TXNRD1: variants seen among roughly 807,000 people sequenced by gnomAD.
The protein encoded by TXNRD1 is thioredoxin reductase 1, cytoplasmic.
TXNRD1 carries 57 observed loss-of-function variants against 80.3 expected under a neutral mutation model. The ratio of observed to expected loss-of-function variants is 0.71; its 90% confidence interval spans 0.57 to 0.89. The LOEUF (loss-of-function observed/expected upper bound fraction) is 0.89, where lower values mean the gene tolerates loss of function less well. Among genes scored for constraint, TXNRD1 ranks in the 40% least tolerant of loss-of-function variants. TXNRD1 has a pLI of 0.00. For synonymous variants in TXNRD1, 291 were observed against 285.2 expected, an observed-to-expected ratio of 1.02 and a Z score of -0.20; for missense variants, 730 against 803.0, an observed-to-expected ratio of 0.91 and a Z score of 1.10.
chr12:104,323,402 G>C (rs1334088895), intron 10 of TXNRD1, among the ~76,000 whole-genome samples: 1 of 150,832 alleles, frequency 6.6e-6, no homozygotes, highest in Non-Finnish European at 1.5e-5. Flanking sequence ...GCCGGGCGGG[G>C]GGCTGACCCC....
intron 16 of TXNRD1, among the ~76,000 whole-genome samples, chr12:104,343,811 TAAAAC>T (rs199635527): frequency 0.054 from 5,540 of 103,490 alleles, 141 homozygotes; most frequent in Middle Eastern, 0.24. Flanking sequence ...AAAAAAAAAA[TAAAAC>T]AAAATGGCCT....
At chr12:104,265,573 G>A (rs1021175719) in intron 3 of TXNRD1, 7 of 1,608,084 alleles carry the variant, frequency 4.4e-6, no homozygotes, top group East Asian at 2.2e-5. Flanking sequence ...CTCCCGGAGC[G>A]GCACCCACAA....
chr12:104,295,286 C>T (rs1565883578), intron 4 of TXNRD1, among the ~76,000 whole-genome samples: 1 of 152,124 alleles, frequency 6.6e-6, no homozygotes, highest in African/African-American at 2.4e-5. Flanking sequence ...GATTTCCGGT[C>T]ACTTCTCCTG....
chr12:104,258,078 A>C lies in TXNRD1; in HGVS notation c.303A>C (p.Thr101=). Residue 101 remains threonine (T), a splice_region_variant and synonymous_variant, in exon 3 of 17, where the codon ACA becomes ACC. Coordinates refer to ENST00000525566, the MANE Select transcript of TXNRD1 (RefSeq NM_001093771.3). ...VPYFVLELDQ[T]EDGRALEGTL... Reference sequence around the variant, plus strand: ...ATTTTGTGCTTGAACTTGATCAAACAGGTAAGTTTCTGTTTAATATGTAAA... The same window carrying C: ...ATTTTGTGCTTGAACTTGATCAAACCGGTAAGTTTCTGTTTAATATGTAAA... 1.9e-6 allele frequency: 3 copies of C among 1,547,714 alleles called. No individual in the cohort carries two copies. Among genetic ancestry groups the C allele is most frequent in the South Asian group, 1.2e-5 (1 of 83,218 alleles).
At chr12:104,254,644 A>AAAAATATATATAT in intron 2 of TXNRD1, among the ~76,000 whole-genome samples, 1 of 93,650 alleles carries the variant, frequency 1.1e-5, no homozygotes, top group African/African-American at 5.2e-5. Flanking sequence ...AAAAAAAAAA[A>AAAAATATATATAT]ATATATATAT....
intron 1 of TXNRD1, among the ~76,000 whole-genome samples, chr12:104,241,620 A>G (rs562630225): frequency 1.5e-4 from 23 of 152,304 alleles, no homozygotes; most frequent in African/African-American, 5.3e-4. Flanking sequence ...TGCCCGCCTC[A>G]GCCTCCCAAA....
chr12:104,256,706 G>A (rs2033256512), intron 2 of TXNRD1, among the ~76,000 whole-genome samples: 2 of 150,002 alleles, frequency 1.3e-5, no homozygotes, highest in Admixed American at 1.3e-4. Flanking sequence ...CTGAACCCGG[G>A]GAGGCAGAGA....
chr12:104,236,786 T>C, intron 1 of TXNRD1, among the ~76,000 whole-genome samples: 1 of 30,894 alleles, frequency 3.2e-5, no homozygotes, highest in Non-Finnish European at 5.7e-5. Flanking sequence ...GAAAACTGTC[T>C]CAAAAAAAAA....
chr12:104,311,394 A>G lies in TXNRD1; in HGVS notation c.519A>G (p.Gly173=). The G allele has an allele frequency of 1.9e-6, 3 of 1,613,524 alleles. No individual in the cohort carries two copies. Among genetic ancestry groups the G allele is most frequent in the Non-Finnish European group, 2.5e-6 (3 of 1,179,714 alleles). Reference sequence around the variant, plus strand: ...TTATCATCATTGGAGGTGGCTCAGGAGGTCTGGCAGCTGCTAAGGCAAGGC... The same window carrying G: ...TTATCATCATTGGAGGTGGCTCAGGGGGTCTGGCAGCTGCTAAGGCAAGGC... The part of the protein sequence containing the change: ...YDLIIIGGGS[G]GLAAAKEAAQ... The change falls in exon 5 of 17, where the codon GGA becomes GGG. Residue 173 remains glycine, a synonymous_variant. Transcript: ENST00000525566.
At chr12:104,291,446 C>T (rs1370993462) in intron 4 of TXNRD1, among the ~76,000 whole-genome samples, 15 of 145,502 alleles carry the variant, frequency 1.0e-4, no homozygotes, top group Non-Finnish European at 6.0e-5. Flanking sequence ...TAGTCCAAAG[C>T]GCTGGGATTA....
In TXNRD1 at chr12:104,334,331, A is replaced by G. The variant is rs781389811; in HGVS notation, c.1745A>G (p.Asn582Ser). 2.8e-6 allele frequency: 4 copies of G among 1,440,540 alleles called. No individual in the cohort carries two copies. Among genetic ancestry groups the G allele is most frequent in the Non-Finnish European group, 2.8e-6 (3 of 1,077,554 alleles). The allele number at this position is 1,440,540 out of a possible 1,614,324, so 89.2% of individuals were successfully genotyped here. A position where few individuals can be genotyped will look rare whatever the true frequency, so the allele number is the denominator to read the frequency against. ...YAKIICNTKD[N>S]ERVVGFHVLG... ...AAAATAATCTGTAATACTAAAGACA[A>G]TGTAAGTTTAATTCTCAATCCTTTC... Residue 582 changes from asparagine to serine, a missense_variant and splice_region_variant, in exon 15 of 17, where the codon AAT becomes AGT. Transcript: ENST00000525566.
At chr12:104,255,266 G>A (rs1202340139) in intron 2 of TXNRD1, among the ~76,000 whole-genome samples, 3 of 151,954 alleles carry the variant, frequency 2.0e-5, no homozygotes, top group African/African-American at 7.3e-5. Flanking sequence ...AGATCTCTTT[G>A]ACCTATCATT....
At position 104,321,185 on chromosome 12, in the gene TXNRD1, A is replaced by G; in HGVS notation, c.1084A>G (p.Ile362Val). 2 of 1,610,598 alleles carry G rather than the reference A, an allele frequency of 1.2e-6. No individual in the cohort carries two copies. The highest frequency in any genetic ancestry group is 1.7e-6 in the Non-Finnish European group (2 of 1,179,468). The change falls in exon 10 of 17, where the codon ATT becomes GTT. Residue 362 changes from isoleucine (I) to valine (V), a missense_variant. Transcript: ENST00000525566. Reference protein sequence around the residue: ...ALECAGFLAGIGLDVTVMVRS... With the variant: ...ALECAGFLAGVGLDVTVMVRS... ...GGAGTGCGCTGGATTTCTTGCTGGT[A>G]TTGGTTTAGACGTCACTGTTATGGT...
chr12:104,325,217 A>C (rs1057357370), intron 10 of TXNRD1, 120 bp from the exon 11 acceptor site: 40 of 729,442 alleles, frequency 5.5e-5, no homozygotes, highest in Non-Finnish European at 8.9e-5. Flanking sequence ...ATGGGACATA[A>C]AAGACTTTTC....
Position 104,346,032 on chromosome 12 carries a change from T to G in TXNRD1, c.1882-2321T>G, listed in dbSNP as rs533467676. On this transcript the variant is annotated intron_variant, in intron 16 of 16. Transcript: ENST00000525566. The stretch of plus-strand genomic sequence containing the variant: ...TGACCCAAGCAGTTTTTTTCATTTA[T>G]TTGAGATAGGGTTCCTGTCACCCAG... The G allele has an allele frequency of 4.1e-3, 5,183 of 1,278,322 alleles. 29 individuals are homozygous for G. The highest frequency in any genetic ancestry group is 0.013 in the Middle Eastern group (43 of 3,258). The allele number at this position is 1,278,322 out of a possible 1,614,324, so 79.2% of individuals were successfully genotyped here. A position where few individuals can be genotyped will look rare whatever the true frequency, so the allele number is the denominator to read the frequency against.
rs1234591017 is a variant in TXNRD1 at position 104,313,320 on chromosome 12, A to G, written c.610+3A>G. 4 of 1,576,656 alleles carry G rather than the reference A, an allele frequency of 2.5e-6. No individual in the cohort carries two copies. In the African/African-American group the frequency reaches 4.0e-5, roughly 16 times the overall value. ...CACCCCTCTTGGAACTAGATGGGGT[A>G]AGCTTTTAAGATACTCTAGAAGTGA... is the stretch of plus-strand genomic sequence containing the variant. On this transcript the variant is annotated splice_donor_region_variant and intron_variant, in intron 6 of 16. Coordinates refer to ENST00000525566, the MANE Select transcript of TXNRD1 (RefSeq NM_001093771.3).
At chr12:104,347,760 G>T (rs1374126236) in intron 16 of TXNRD1, among the ~76,000 whole-genome samples, 1 of 152,148 alleles carries the variant, frequency 6.6e-6, no homozygotes, top group Non-Finnish European at 1.5e-5. Context: ...TGTATGTGTT[G>T]TTCTATACTA....
At chr12:104,224,771 A>G (rs750019965) in intron 1 of TXNRD1, 41 of 452,934 alleles carry the variant, frequency 9.1e-5, no homozygotes, top group South Asian at 5.9e-4. Context: ...AGTTGTGTCA[A>G]GTTATTCCCT....
At chr12:104,319,105 T>G in intron 8 of TXNRD1, 50 bp downstream of exon 8, 1 of 1,557,798 alleles carries the variant, frequency 6.4e-7, no homozygotes, top group East Asian at 2.2e-5. Context: ...TTTTCTCTTT[T>G]TAAAAGCTTT....
Sources: gnomAD v4.1 joint callset for allele counts (sites outside exome capture counted in the v4.1 genomes callset) on GRCh38, gnomAD v4.1.1 for gene constraint, MANE v1.5 for transcripts, NCBI Gene and HGNC (gene_info 2026-07-23, HGNC 2026-07-21) for gene names.